NECTIN4: variants seen among roughly 807,000 people sequenced by gnomAD.
The protein encoded by NECTIN4 is nectin cell adhesion molecule 4, also known as nectin-4.
Under a neutral mutation model 51.7 loss-of-function variants are expected in NECTIN4, and 19 were observed. That is an observed-to-expected ratio of 0.37 (90% confidence interval 0.26 to 0.54). NECTIN4 has a LOEUF of 0.54. Ranked by LOEUF, NECTIN4 falls within the 20% of genes least tolerant of loss-of-function variation. The pLI is 0.86. For synonymous variants in NECTIN4, 283 were observed against 286.9 expected (o/e 0.99, Z 0.14); for missense variants, 619 against 662.4 (o/e 0.93, Z 0.72).
At chr1:161,073,371 C>T in intron 7 of NECTIN4, 72 bp from the exon 8 acceptor site, 2 of 1,234,940 alleles carry the variant, frequency 1.6e-6, no homozygotes, top group Non-Finnish European at 2.4e-6. Context: ...CCCTCTTGTC[C>T]TCCACCAGCC....
rs560695203 is a variant in NECTIN4 at position 161,077,368 on chromosome 1, C to T, written c.730+85G>A. On this transcript the variant is annotated intron_variant, in intron 3 of 8. Transcript: ENST00000368012. Reference sequence around the variant, plus strand: ...AGCCTCCAGGACCCAGGCTGGCCAGCCTGGCATGGCTCAGGGACCTGTGGC... The same window carrying T: ...AGCCTCCAGGACCCAGGCTGGCCAGTCTGGCATGGCTCAGGGACCTGTGGC... 6.0e-4 allele frequency: 904 copies of T among 1,508,192 alleles called. 3 individuals carry two copies. The African/African-American group carries it at 8.2e-3, about 14-fold the overall frequency. 93.4% of individuals were successfully genotyped at this position (1,508,192 alleles called of 1,614,324 possible).
At chr1:161,081,736 A>G (rs11265549) in intron 1 of NECTIN4, among the ~76,000 whole-genome samples, 137,243 of 151,906 alleles carry the variant, frequency 0.9, 62,333 homozygotes, top group African/African-American at 0.97. Flanking sequence ...TCCTCCCTAT[A>G]TCTGGTAGCA....
At chr1:161,080,520 T>C (rs1257665246) in intron 1 of NECTIN4, among the ~76,000 whole-genome samples, 1 of 152,184 alleles carries the variant, frequency 6.6e-6, no homozygotes, top group Non-Finnish European at 1.5e-5. Context: ...TGGAACATTC[T>C]TTTCATGGCT....
At chr1:161,074,870 G>T in intron 4 of NECTIN4, 111 bp from the exon 5 acceptor site, 2 of 1,224,770 alleles carry the variant, frequency 1.6e-6, no homozygotes, top group Non-Finnish European at 1.1e-6. Flanking sequence ...ACCCAGAGCC[G>T]CAGGCTGTTC....
rs780202697 is a variant in NECTIN4, at chr1:161,074,233, G to T, written c.1141C>A (p.Gln381Lys). 3 of 1,613,946 alleles carry T rather than the reference G, an allele frequency of 1.9e-6. No individual in the cohort carries two copies. The highest frequency in any genetic ancestry group is 2.7e-5 in the African/African-American group (2 of 74,850). ...MSRYHRRKAQ[Q>K]MTQKYEEELT... ...AGTACTCACTATTTCTGGGTCATCTGCTGGGCCTTGCGCCGATGGTATCGG... is the reference window on the plus strand; with the variant it reads ...AGTACTCACTATTTCTGGGTCATCTTCTGGGCCTTGCGCCGATGGTATCGG... Residue 381 changes from glutamine to lysine, a missense_variant, in exon 6 of 9, where the codon CAG becomes AAG. Gln to Lys is a moderately conservative substitution (Grantham distance 53). Coordinates refer to ENST00000368012, the MANE Select transcript of NECTIN4 (RefSeq NM_030916.3).
chr1:161,083,157 G>C (rs558662641), intron 1 of NECTIN4, among the ~76,000 whole-genome samples: 1 of 152,266 alleles, frequency 6.6e-6, no homozygotes, highest in African/African-American at 2.4e-5. Flanking sequence ...GAGGAACCCA[G>C]TAAAACAGGA....
Position 161,072,621 on chromosome 1 carries a change from A to G in NECTIN4, c.*40T>C. Reference sequence around the variant, plus strand: ...AGATGAGCTAAAATCTCCCATGTCAACAGAAGGAGCCAGGCCTAGGGAAGG... The same window carrying G: ...AGATGAGCTAAAATCTCCCATGTCAGCAGAAGGAGCCAGGCCTAGGGAAGG... On this transcript the variant is annotated 3_prime_UTR_variant, in exon 9 of 9. Coordinates refer to ENST00000368012, the MANE Select transcript of NECTIN4 (RefSeq NM_030916.3). 1 of 1,561,092 alleles carries G rather than the reference A, an allele frequency of 6.4e-7. No individual in the cohort carries two copies.
intron 1 of NECTIN4, among the ~76,000 whole-genome samples, chr1:161,080,459 G>A (rs1401062809): frequency 6.6e-6 from 1 of 152,230 alleles, no homozygotes; most frequent in East Asian, 1.9e-4. Flanking sequence ...AAAACTGTTG[G>A]TGTCTGGAAT....
chr1:161,073,189 G>C, intron 8 of NECTIN4, 36 bp downstream of exon 8: 1 of 1,578,328 alleles, frequency 6.3e-7, no homozygotes, highest in Non-Finnish European at 8.7e-7. Flanking sequence ...GGCCCGAGGA[G>C]AGTGGTGGGG....
Position 161,089,336 on chromosome 1 carries a change from C to A in NECTIN4, c.-40G>T. On this transcript the variant is annotated 5_prime_UTR_variant, in exon 1 of 9. Transcript: ENST00000368012. The surrounding 1 kb of genome is among the most constrained non-coding windows in gnomAD (Gnocchi z 4.1). Reference sequence around the variant, plus strand: ...CTGCCCAGCGTTTCTGAAGTTCCACCGAGATCTCCCTGGGAGCCGGCTGCA... The same window carrying A: ...CTGCCCAGCGTTTCTGAAGTTCCACAGAGATCTCCCTGGGAGCCGGCTGCA... The A allele has an allele frequency of 2.5e-6, 4 of 1,571,142 alleles. No individual in the cohort carries two copies. Among genetic ancestry groups the A allele is most frequent in the Non-Finnish European group, 3.5e-6 (4 of 1,151,984 alleles).
chr1:161,074,188 C>T, intron 6 of NECTIN4, 29 bp downstream of exon 6: 3 of 1,614,010 alleles, frequency 1.9e-6, no homozygotes, highest in Non-Finnish European at 2.5e-6. Context: ...CAGCTTAGTT[C>T]TACCCACCCA....
rs1309209030 is a variant in NECTIN4 at position 161,077,716 on chromosome 1, C to G, written c.467G>C (p.Gly156Ala). 6.2e-7 allele frequency: 1 copy of G among 1,611,334 alleles called. No homozygotes were observed. Among genetic ancestry groups the G allele is most frequent in the African/African-American group, 1.3e-5 (1 of 75,016 alleles). The change falls in exon 3 of 9, where the codon GGT becomes GCT. Residue 156 changes from glycine (G) to alanine (A), a missense_variant. This residue lies in a region of NECTIN4 where 37 missense variants were observed against 60.3 expected (regional missense o/e 0.61). Transcript: ENST00000368012. ...GCCCTGGCCCTCTTCTAGTGCTGGA[C>G]CAGGATTCAGTGAGGGCAGGGGAGG... is the stretch of plus-strand genomic sequence containing the variant. The part of the protein sequence containing the change: ...LVPPLPSLNP[G>A]PALEEGQGLT...
At chr1:161,074,812 C>A in intron 4 of NECTIN4, 53 bp from the exon 5 acceptor site, 1 of 1,585,246 alleles carries the variant, frequency 6.3e-7, no homozygotes, top group Non-Finnish European at 8.6e-7. Context: ...GAAGCCACCA[C>A]CACCCAACGT....
chr1:161,075,627 C>T (rs1276584734), intron 4 of NECTIN4, among the ~76,000 whole-genome samples: 1 of 152,022 alleles, frequency 6.6e-6, no homozygotes, highest in Non-Finnish European at 1.5e-5. Flanking sequence ...AAAAAACTAG[C>T]TGGGCATGCT....
At chr1:161,085,211 G>A (rs376059561) in intron 1 of NECTIN4, among the ~76,000 whole-genome samples, 14 of 151,754 alleles carry the variant, frequency 9.2e-5, no homozygotes, top group East Asian at 3.9e-4. Context: ...TGGGCAAAAC[G>A]CCCACCCACA....
intron 2 of NECTIN4, 63 bp from the exon 3 acceptor site, chr1:161,077,806 A>G (rs1357551778): frequency 2.0e-6 from 3 of 1,469,600 alleles, no homozygotes; most frequent in East Asian, 2.3e-5. Flanking sequence ...GCCCCCACTC[A>G]TCGCATTTCA....
chr1:161,076,132 C>G (rs1231139150), intron 4 of NECTIN4, among the ~76,000 whole-genome samples: 4 of 152,142 alleles, frequency 2.6e-5, no homozygotes, highest in African/African-American at 9.6e-5. Context: ...CATTTATTCC[C>G]TACTAATGAC....
intron 1 of NECTIN4, among the ~76,000 whole-genome samples, chr1:161,085,506 A>T (rs1653902468): frequency 6.6e-6 from 1 of 151,824 alleles, no homozygotes; most frequent in East Asian, 1.9e-4. Flanking sequence ...CCCAAATCAC[A>T]GCCTCAACTC....
At chr1:161,080,274 A>T (rs780419624) in intron 1 of NECTIN4, among the ~76,000 whole-genome samples, 1 of 152,220 alleles carries the variant, frequency 6.6e-6, no homozygotes, top group Non-Finnish European at 1.5e-5. Context: ...AGGCTGTAAC[A>T]GAACAGGAGA....
Sources: gnomAD v4.1 joint callset for allele counts (sites outside exome capture counted in the v4.1 genomes callset) on GRCh38, gnomAD v4.1.1 for gene constraint, gnomAD v4.1.1 regional missense constraint, Gnocchi (gnomAD v3.1) non-coding constraint, MANE v1.5 for transcripts, NCBI Gene and HGNC (gene_info 2026-07-23, HGNC 2026-07-21) for gene names.